The following MLIP variants were observed in gnomAD, a reference collection of about 807,000 sequenced individuals.
The protein encoded by MLIP is muscular LMNA-interacting protein.
A neutral mutation model predicts 84.8 loss-of-function variants in MLIP; 79 were observed. The ratio of observed to expected loss-of-function variants is 0.93; its 90% CI spans 0.78 to 1.12. The LOEUF (loss-of-function observed/expected upper bound fraction) is 1.12. Ranked by LOEUF, MLIP falls within the 50% of genes most tolerant of loss-of-function variation. The pLI is 0.00. For missense variants in MLIP, 1,257 were observed against 1,160.6 expected (o/e 1.08, Z -1.21); for synonymous variants, 504 against 463.0 (o/e 1.09, Z -1.14).
intron 8 of MLIP, among the ~76,000 whole-genome samples, chr6:54,164,349 A>G (rs931993667): frequency 6.6e-6 from 1 of 151,858 alleles, no homozygotes; most frequent in African/African-American, 2.4e-5. Context: ...TGATTCCTTC[A>G]AGAGGAATCC....
intron 1 of MLIP, among the ~76,000 whole-genome samples, chr6:54,070,651 A>G: frequency 6.6e-6 from 1 of 152,142 alleles, no homozygotes. Context: ...TTAACTCATT[A>G]TATAAGGCAA....
intron 5 of MLIP, among the ~76,000 whole-genome samples, chr6:54,159,234 C>T (rs191893095): frequency 1.5e-3 from 224 of 152,052 alleles, no homozygotes; most frequent in African/African-American, 4.8e-3. Context: ...TTATATCAAT[C>T]TAGGCTTAGG....
intron 1 of MLIP, among the ~76,000 whole-genome samples, chr6:54,049,778 A>G (rs895314989): frequency 5.3e-5 from 8 of 152,180 alleles, no homozygotes; most frequent in African/African-American, 1.9e-4. Context: ...TAATAATCTA[A>G]TGTAAATTGT....
At chr6:54,216,462 T>C in intron 11 of MLIP, 2 of 985,360 alleles carry the variant, frequency 2.0e-6, no homozygotes, top group Non-Finnish European at 2.4e-6. Context: ...TTTTTCTTTC[T>C]TTTCCCTTGA....
intron 10 of MLIP, among the ~76,000 whole-genome samples, chr6:54,196,238 T>G (rs1464823863): frequency 2.0e-5 from 3 of 152,266 alleles, no homozygotes; most frequent in East Asian, 3.9e-4. Context: ...CGTGCAGGTT[T>G]GTTACATAGG....
At chr6:54,167,274 A>G (rs1310287766) in intron 8 of MLIP, among the ~76,000 whole-genome samples, 2 of 151,974 alleles carry the variant, frequency 1.3e-5, no homozygotes, top group Non-Finnish European at 2.9e-5. Context: ...AAGGTCCTGT[A>G]TGGTCTGGTG....
intron 3 of MLIP, among the ~76,000 whole-genome samples, chr6:54,128,138 T>C (rs1771081536): frequency 6.6e-6 from 1 of 152,164 alleles, no homozygotes; most frequent in South Asian, 2.1e-4. Context: ...GCATCATTAA[T>C]TGAAGAATGA....
intron 3 of MLIP, among the ~76,000 whole-genome samples, chr6:54,132,000 C>T (rs564582104): frequency 1.3e-5 from 2 of 152,234 alleles, no homozygotes; most frequent in East Asian, 3.9e-4. Flanking sequence ...CTTGTATCTT[C>T]CAGTAAACTA....
intron 9 of MLIP, among the ~76,000 whole-genome samples, chr6:54,177,220 T>A (rs770554722): frequency 4.0e-5 from 6 of 151,876 alleles, no homozygotes; most frequent in Non-Finnish European, 7.4e-5. Flanking sequence ...TAACGAGCTT[T>A]TGCACAGCAA....
At chr6:54,023,231 T>G (rs1000637522) in intron 1 of MLIP, among the ~76,000 whole-genome samples, 3 of 151,590 alleles carry the variant, frequency 2.0e-5, no homozygotes, top group Non-Finnish European at 4.4e-5. Context: ...CAACTTATTT[T>G]ATATTGAGAC....
At chr6:54,047,857 C>T (rs997474438) in intron 1 of MLIP, among the ~76,000 whole-genome samples, 1 of 152,212 alleles carries the variant, frequency 6.6e-6, no homozygotes, top group Non-Finnish European at 1.5e-5. Flanking sequence ...CATTGTCCCC[C>T]TTTTCAATAG....
At position 54,239,798 on chromosome 6, in the gene MLIP, TA is replaced by T. The variant is rs576971634; in HGVS notation, c.2922+8887del. On this transcript the variant is annotated intron_variant, in intron 12 of 13. Transcript: ENST00000502396. ...CAAGATTCTGTCTAAAAATAAAAAA[TA>T]AAAAATAAAATAAAATAAAATAAAG... 4.7e-3 allele frequency among the ~76,000 whole-genome samples: 705 copies of T among 151,514 alleles called. 6 individuals carry two copies. Among genetic ancestry groups the T allele is most frequent in the African/African-American group, 0.016 (661 of 41,292 alleles).
chr6:54,237,352 A>G (rs1327678913), intron 12 of MLIP, among the ~76,000 whole-genome samples: 1 of 152,052 alleles, frequency 6.6e-6, no homozygotes, highest in Non-Finnish European at 1.5e-5. Flanking sequence ...CAATCCCCAG[A>G]AAGAGCCCTG....
intron 10 of MLIP, among the ~76,000 whole-genome samples, chr6:54,196,050 T>C (rs1778271299): frequency 6.6e-6 from 1 of 152,146 alleles, no homozygotes; most frequent in South Asian, 2.1e-4. Flanking sequence ...TTCCTTCTTC[T>C]CATCCTCTAT....
At chr6:54,203,071 G>T (rs1778801838) in intron 11 of MLIP, among the ~76,000 whole-genome samples, 1 of 152,082 alleles carries the variant, frequency 6.6e-6, no homozygotes, top group Admixed American at 6.5e-5. Context: ...AGGATTTGTT[G>T]TTCATTTTGT....
intron 1 of MLIP, among the ~76,000 whole-genome samples, chr6:54,077,156 G>A (rs1299586897): frequency 6.6e-6 from 1 of 152,134 alleles, no homozygotes; most frequent in African/African-American, 2.4e-5. Context: ...AATCAAGGCT[G>A]CCATACTATC....
chr6:54,237,316 G>C (rs1408916285), intron 12 of MLIP, among the ~76,000 whole-genome samples: 3 of 151,882 alleles, frequency 2.0e-5, no homozygotes, highest in Non-Finnish European at 4.4e-5. Flanking sequence ...GCAGTCATTA[G>C]TTGAGGAGAG....
At chr6:54,175,688 T>G (rs745956656) in intron 9 of MLIP, among the ~76,000 whole-genome samples, 15 of 152,080 alleles carry the variant, frequency 9.9e-5, no homozygotes, top group African/African-American at 2.4e-4. Context: ...TAATGTCATC[T>G]GCAAACAAGG....
chr6:54,025,659 G>T (rs1246368473), intron 1 of MLIP, among the ~76,000 whole-genome samples: 2 of 152,126 alleles, frequency 1.3e-5, no homozygotes, highest in Non-Finnish European at 2.9e-5. Context: ...AACTGATAAA[G>T]TTGCCTTAGA....
Sources: gnomAD v4.1 joint callset for allele counts (sites outside exome capture counted in the v4.1 genomes callset) on GRCh38, gnomAD v4.1.1 for gene constraint, MANE v1.5 for transcripts, NCBI Gene and HGNC (gene_info 2026-07-23, HGNC 2026-07-21) for gene names.